Variants in ABL2 observed in about 807,000 individuals in gnomAD.
ABL2 encodes the protein tyrosine-protein kinase ABL2.
ABL2 carries 49 observed loss-of-function variants against 107.7 expected under a neutral mutation model. The observed-to-expected ratio is 0.45, with a 90% CI of 0.36 to 0.58. The LOEUF (loss-of-function observed/expected upper bound fraction) is 0.58. Among genes scored for constraint, ABL2 ranks in the 20% least tolerant of loss-of-function variants. ABL2 has a pLI of 0.00. For missense variants in ABL2, 1,245 were observed against 1,457.0 expected, an observed-to-expected ratio of 0.85 and a Z score of 2.37; for synonymous variants, 549 against 548.6, an observed-to-expected ratio of 1.00 and a Z score of -0.01.
rs551222287 is a variant in ABL2, at chr1:179,184,139, T to A, written c.157+45102A>T. On this transcript the variant is annotated intron_variant, in intron 1 of 11. Coordinates refer to ENST00000502732, the MANE Select transcript of ABL2 (RefSeq NM_007314.4). ...TTGGGGTTACAACGTTTGTCAACCATCCTCAAGTGTCTGCACTGCTTAGGG... is the reference window on the plus strand; with the variant it reads ...TTGGGGTTACAACGTTTGTCAACCAACCTCAAGTGTCTGCACTGCTTAGGG... 116 of 325,438 alleles carry A rather than the reference T, an allele frequency of 3.6e-4. 1 individual carries two copies. Among genetic ancestry groups the A allele is most frequent in the South Asian group, 2.1e-3 (62 of 28,918 alleles). 20.2% of individuals were successfully genotyped at this position (325,438 alleles called of 1,614,324 possible).
chr1:179,225,801 G>C (rs1292788429), intron 1 of ABL2, among the ~76,000 whole-genome samples: 3 of 152,032 alleles, frequency 2.0e-5, no homozygotes, highest in Admixed American at 2.0e-4. Flanking sequence ...CAGCACTTTG[G>C]GAGGCCGAAG....
intron 1 of ABL2, among the ~76,000 whole-genome samples, chr1:179,217,394 G>C (rs1007675420): frequency 6.6e-6 from 1 of 151,768 alleles, no homozygotes; most frequent in Non-Finnish European, 1.5e-5. Context: ...GGGAGGCCAA[G>C]GTGGATGAGT....
rs1394233057 is a variant in ABL2 at position 179,103,600 on chromosome 1, T to C, written c.*4118A>G. 1 of 221,232 alleles carries C rather than the reference T, an allele frequency of 4.5e-6. No individual in the cohort carries two copies. The highest frequency in any genetic ancestry group is 2.2e-5 in the African/African-American group (1 of 44,606). 13.7% of individuals were successfully genotyped at this position (221,232 alleles called of 1,614,324 possible). On this transcript the variant is annotated 3_prime_UTR_variant, in exon 12 of 12. Transcript: ENST00000502732. ...TCCAAAAGAATGACCCCATTGAATT[T>C]TTTAAATGACTGAATTCTACTGAGT...
intron 1 of ABL2, among the ~76,000 whole-genome samples, chr1:179,179,484 C>T (rs1484320277): frequency 6.6e-6 from 1 of 150,780 alleles, no homozygotes; most frequent in Non-Finnish European, 1.5e-5. Context: ...ATAGAAAGTA[C>T]CTAGGAAGAA....
intron 1 of ABL2, among the ~76,000 whole-genome samples, chr1:179,146,682 G>C (rs1658007044): frequency 6.6e-6 from 1 of 152,008 alleles, no homozygotes; most frequent in Admixed American, 6.6e-5. Flanking sequence ...GTGATGGTGA[G>C]TCTCACAAGA....
In ABL2 at chr1:179,158,430, T is replaced by C. The variant is rs554136777; in HGVS notation, c.158-25056A>G. 2.8e-4 allele frequency among the ~76,000 whole-genome samples: 42 copies of C among 152,306 alleles called. No homozygotes were observed. The South Asian group carries it at 7.7e-3, about 28-fold the overall frequency. On this transcript the variant is annotated intron_variant, in intron 1 of 11. Transcript: ENST00000502732. ...GATGAACAGACCATGTGGTAAGATGTAGAGATACAATTCTGGAATAGGATT... is the reference window on the plus strand; with the variant it reads ...GATGAACAGACCATGTGGTAAGATGCAGAGATACAATTCTGGAATAGGATT...
At chr1:179,168,089 T>C (rs1659500646) in intron 1 of ABL2, among the ~76,000 whole-genome samples, 1 of 152,218 alleles carries the variant, frequency 6.6e-6, no homozygotes, top group African/African-American at 2.4e-5. Context: ...TCATGTATAT[T>C]TTTAAATAGA....
At chr1:179,130,021 C>A (rs899694168) in intron 3 of ABL2, among the ~76,000 whole-genome samples, 1 of 152,160 alleles carries the variant, frequency 6.6e-6, no homozygotes, top group Non-Finnish European at 1.5e-5. Flanking sequence ...CTCAATGCAA[C>A]CTCCCCGTCC....
intron 1 of ABL2, chr1:179,184,323 C>T (rs1660560408): frequency 1.8e-6 from 1 of 552,608 alleles, no homozygotes; most frequent in African/African-American, 2.0e-5. Context: ...GAGTGGTATT[C>T]CATCTTCAAA....
At chr1:179,163,807 G>A (rs629931) in intron 1 of ABL2, among the ~76,000 whole-genome samples, 1 of 152,302 alleles carries the variant, frequency 6.6e-6, no homozygotes, top group African/African-American at 2.4e-5. Flanking sequence ...ATGTCCTTCA[G>A]TGAATGAAGG....
chr1:179,190,805 G>T (rs1005569364), intron 1 of ABL2, among the ~76,000 whole-genome samples: 3 of 152,056 alleles, frequency 2.0e-5, no homozygotes, highest in Admixed American at 1.3e-4. Context: ...TTTGGCCGGG[G>T]AAACGGAATA....
At chr1:179,111,086 C>T (rs113450962) in intron 10 of ABL2, among the ~76,000 whole-genome samples, 18,032 of 145,584 alleles carry the variant, frequency 0.12, 1,150 homozygotes, top group Middle Eastern at 0.17. Flanking sequence ...GATGTTCAAA[C>T]GATTCTCCTG....
At chr1:179,112,455 G>T in intron 9 of ABL2, 57 bp from the exon 10 acceptor site, 1 of 1,387,146 alleles carries the variant, frequency 7.2e-7, no homozygotes, top group Non-Finnish European at 1.0e-6. Flanking sequence ...ATATCCAGTG[G>T]TGTATCTAAT....
chr1:179,101,350 G>C lies in ABL2; in HGVS notation c.*6368C>G, dbSNP rs1653067106. The C allele has an allele frequency of 5.1e-6, 1 of 196,622 alleles. No homozygotes were observed. The highest frequency in any genetic ancestry group is 1.0e-5 in the Non-Finnish European group (1 of 95,404). 12.2% of individuals were successfully genotyped at this position (196,622 alleles called of 1,614,324 possible). A position where few individuals can be genotyped will look rare whatever the true frequency, so the allele number is the denominator to read the frequency against. ...CCTAATTTCCTGTCCTTTGGATCTA[G>C]GATATTGAGTCAGAAATGAAGGTAT... On this transcript the variant is annotated 3_prime_UTR_variant, in exon 12 of 12. Transcript: ENST00000502732.
intron 1 of ABL2, among the ~76,000 whole-genome samples, chr1:179,172,932 G>A (rs1413174695): frequency 1.3e-5 from 2 of 152,302 alleles, no homozygotes; most frequent in East Asian, 3.9e-4. Flanking sequence ...GCTCACGCTT[G>A]TAATCCCAGC....
At chr1:179,177,028 C>A (rs1660089965) in intron 1 of ABL2, among the ~76,000 whole-genome samples, 1 of 151,976 alleles carries the variant, frequency 6.6e-6, no homozygotes, top group African/African-American at 2.4e-5. Context: ...CCTAAGAAAA[C>A]TATAAAGAGG....
intron 1 of ABL2, among the ~76,000 whole-genome samples, chr1:179,156,673 A>G (rs986784960): frequency 6.6e-6 from 1 of 152,096 alleles, no homozygotes; most frequent in African/African-American, 2.4e-5. Context: ...CCAGGAGTTC[A>G]AAGACCATCC....
At chr1:179,112,195 AAC>A (rs763452156) in intron 10 of ABL2, 112 bp downstream of exon 10, 2 of 846,154 alleles carry the variant, frequency 2.4e-6, no homozygotes, top group East Asian at 2.6e-5. Context: ...TAAAAGTTGA[AAC>A]AGAGTCTCAA....
At chr1:179,129,979 G>A (rs776926076) in intron 3 of ABL2, among the ~76,000 whole-genome samples, 8 of 152,038 alleles carry the variant, frequency 5.3e-5, no homozygotes, top group African/African-American at 1.7e-4. Flanking sequence ...TCACTCTGTC[G>A]CCCAGGCTGG....
Sources: allele counts gnomAD v4.1 joint callset (sites outside exome capture counted in the v4.1 genomes callset), GRCh38; gene constraint gnomAD v4.1.1; transcripts MANE v1.5; gene names NCBI Gene and HGNC (gene_info 2026-07-23, HGNC 2026-07-21).